Variants in DPP7 observed in about 807,000 individuals in gnomAD.
DPP7 encodes dipeptidyl peptidase 7, also known as dipeptidyl peptidase 2.
A neutral mutation model predicts 58.8 loss-of-function variants in DPP7; 74 were observed. The observed-to-expected ratio is 1.26, with a 90% CI of 1.04 to 1.53. The LOEUF (loss-of-function observed/expected upper bound fraction) is 1.53. DPP7 is among the 40% of genes most tolerant of loss of function. The pLI, the probability that DPP7 is intolerant of heterozygous loss-of-function variation, is 0.00. For synonymous variants in DPP7, 350 were observed against 303.6 expected (o/e 1.15, Z -1.59); for missense variants, 807 against 692.3 (o/e 1.17, Z -1.86).
rs140480385 is a variant in DPP7 at position 137,112,792 on chromosome 9, C to T, written c.884G>A (p.Arg295Gln). ...PANPVKVGCD[R>Q]LLSEAQRITG... ...GATCCTCTGGGCCTCACTCAGCAGC[C>T]GATCACAGCCCACCTGGAGTGCAGG... The change falls in exon 8 of 13, where the codon CGG (arginine) becomes CAG (glutamine). Residue 295 changes from arginine to glutamine, a missense_variant. By Grantham distance (43) the Arg-to-Gln change is conservative. Around this residue, in one of 3 missense-constraint regions of DPP7, gnomAD observed 624 missense variants for 531.2 expected, o/e 1.17. Transcript: ENST00000371579. 420 of 1,609,752 alleles carry T rather than the reference C, an allele frequency of 2.6e-4. 4 individuals are homozygous for T. The East Asian group carries it at 8.5e-3, about 32-fold the overall frequency.
At position 137,114,514 on chromosome 9, in the gene DPP7, T is replaced by G. The variant is rs1831559335; in HGVS notation, c.130A>C (p.Asn44His). Residue 44 changes from asparagine (N) to histidine (H), a missense_variant, in exon 2 of 13, where the codon AAC (asparagine) becomes CAC (histidine). Coordinates refer to ENST00000371579, the MANE Select transcript of DPP7 (RefSeq NM_013379.3). ...GTCTTGTTGCCGAAGCGCTCGAAGTTGAAGTGGTCCAGACGCTGCTGGAAG... is the reference window on the plus strand; with the variant it reads ...GTCTTGTTGCCGAAGCGCTCGAAGTGGAAGTGGTCCAGACGCTGCTGGAAG... ...RFFQQRLDHF[N>H]FERFGNKTFP... The G allele has an allele frequency of 6.3e-7, 1 of 1,586,536 alleles. No homozygotes were observed. Among genetic ancestry groups the G allele is most frequent in the South Asian group, 1.1e-5 (1 of 87,858 alleles).
chr9:137,114,379 C>G lies in DPP7; in HGVS notation c.185G>C (p.Arg62Thr), dbSNP rs1831544020. 1.9e-6 allele frequency: 3 copies of G among 1,602,542 alleles called. No homozygotes were observed. Among genetic ancestry groups the G allele is most frequent in the Non-Finnish European group, 2.6e-6 (3 of 1,175,622 alleles). Reference protein sequence around the residue: ...TFPQRFLVSDRFWVRGEGPIF... With the variant: ...TFPQRFLVSDTFWVRGEGPIF... Reference sequence around the variant, plus strand: ...GGGCCCCTCGCCCCGGACCCAGAACCTGTCTGTGGGGAGGGCGGATGAGGC... The same window carrying G: ...GGGCCCCTCGCCCCGGACCCAGAACGTGTCTGTGGGGAGGGCGGATGAGGC... The change falls in exon 3 of 13, where the codon AGG becomes ACG. Residue 62 changes from arginine to threonine, a missense_variant. Coordinates refer to ENST00000371579, the MANE Select transcript of DPP7 (RefSeq NM_013379.3).
At chr9:137,115,523 G>A (rs1831609463), upstream of DPP7, among the ~76,000 whole-genome samples, 5 of 152,276 alleles carry the variant, frequency 3.3e-5, no homozygotes, top group Admixed American at 2.6e-4. Flanking sequence ...CCGCTAGCCA[G>A]GCCCAGAACA....
Position 137,113,046 on chromosome 9 carries a change from G to C in DPP7, c.777C>G (p.Phe259Leu). Residue 259 changes from phenylalanine to leucine, a missense_variant, in exon 7 of 13, where the codon TTC (phenylalanine) becomes TTG (leucine). Phe to Leu is a conservative substitution (Grantham distance 22). Coordinates refer to ENST00000371579, the MANE Select transcript of DPP7 (RefSeq NM_013379.3). ...LSDEKDLTQL[F>L]MFARNAFTVL... is the part of the protein sequence containing the mutation. ...CGGTGAAGGCATTCCGGGCGAACAT[G>C]AAGAGCTGGGTCAGGTCCTTCTCGT... The C allele has an allele frequency of 6.2e-7, 1 of 1,613,910 alleles. No homozygotes were observed. The highest frequency in any genetic ancestry group is 8.5e-7 in the Non-Finnish European group (1 of 1,180,022).
intron 11 of DPP7, 89 bp from the exon 12 acceptor site, chr9:137,111,039 C>T (rs1054024381): frequency 2.2e-5 from 28 of 1,281,886 alleles, no homozygotes; most frequent in African/African-American, 5.9e-5. Context: ...CGTGAGAGGG[C>T]GAGCCGAGAC....
chr9:137,113,908 C>G lies in DPP7; in HGVS notation c.442G>C (p.Asp148His), dbSNP rs1831504148. Residue 148 changes from aspartate (D) to histidine (H), a missense_variant, in exon 4 of 13, where the codon GAC becomes CAC. By Grantham distance (81) the Asp-to-His change is moderately conservative. Around this residue, in one of 3 missense-constraint regions of DPP7, gnomAD observed 624 missense variants for 531.2 expected, o/e 1.17. Transcript: ENST00000371579. ...FAELLRALRR[D>H]LGAQDAPAIA... ...GCGGGGGCATCCTGGGCCCCGAGGT[C>G]GCGTCGTAGCGCGCGGAGCAGCTCT... is the stretch of plus-strand genomic sequence containing the variant. The G allele has an allele frequency of 1.9e-6, 3 of 1,572,818 alleles. No homozygotes were observed. The highest frequency in any genetic ancestry group is 2.6e-6 in the Non-Finnish European group (3 of 1,165,414).
At chr9:137,112,701 C>A in intron 8 of DPP7, 44 bp downstream of exon 8, 1 of 1,571,496 alleles carries the variant, frequency 6.4e-7, no homozygotes, top group Non-Finnish European at 8.6e-7. Flanking sequence ...CAAGCCAAGC[C>A]TGGGGTCTCC....
rs373395362 is a variant in DPP7 at position 137,114,523 on chromosome 9, C to A, written c.121G>T (p.Asp41Tyr). ...FQERFFQQRLDHFNFERFGNK... is the reference protein window; with the variant it reads ...FQERFFQQRLYHFNFERFGNK... The stretch of plus-strand genomic sequence containing the variant: ...CCGAAGCGCTCGAAGTTGAAGTGGT[C>A]CAGACGCTGCTGGAAGAAGCGCTCC... Residue 41 changes from aspartate (D) to tyrosine (Y), a missense_variant, in exon 2 of 13, where the codon GAC (aspartate) becomes TAC (tyrosine). Physicochemically the swap from Asp to Tyr is radical, Grantham distance 160 (BLOSUM62 -3). This residue lies in a region of DPP7 where 168 missense variants were observed against 124.1 expected (regional missense o/e 1.35). Coordinates refer to ENST00000371579, the MANE Select transcript of DPP7 (RefSeq NM_013379.3). The A allele has an allele frequency of 1.1e-4, 180 of 1,580,348 alleles. No homozygotes were observed. The highest frequency in any genetic ancestry group is 1.5e-4 in the Non-Finnish European group (173 of 1,164,600).
At chr9:137,111,503 T>A (rs1405191346) in intron 11 of DPP7, among the ~76,000 whole-genome samples, 187 bp downstream of exon 11, 2 of 152,170 alleles carry the variant, frequency 1.3e-5, no homozygotes, top group African/African-American at 4.8e-5. Context: ...AATATTTTTT[T>A]AAATTAGCTG....
At chr9:137,113,595 C>A (rs924996621) in intron 4 of DPP7, 99 bp from the exon 5 acceptor site, 2 of 1,455,306 alleles carry the variant, frequency 1.4e-6, no homozygotes, top group Non-Finnish European at 1.8e-6. Flanking sequence ...GACGACACTT[C>A]TGAGACCCAC....
At chr9:137,115,602 A>G (rs928655187), upstream of DPP7, among the ~76,000 whole-genome samples, 31 of 152,154 alleles carry the variant, frequency 2.0e-4, no homozygotes, top group African/African-American at 7.2e-4. Flanking sequence ...ACCCTCGGCC[A>G]GCATGACCCT....
At chr9:137,113,732 T>A (rs903018434) in intron 4 of DPP7, 133 bp downstream of exon 4, 2 of 1,416,122 alleles carry the variant, frequency 1.4e-6, no homozygotes, top group Non-Finnish European at 1.8e-6. Flanking sequence ...GAGGCAACAC[T>A]AAGCCTGGAA....
rs1208043158 is a variant in DPP7, at chr9:137,110,659, G to A, written c.1468C>T (p.Leu490Phe). 1.2e-6 allele frequency: 2 copies of A among 1,609,438 alleles called. No individual in the cohort carries two copies. The highest frequency in any genetic ancestry group is 2.7e-5 in the African/African-American group (2 of 74,316). The change falls in exon 13 of 13, where the codon CTC becomes TTC. Residue 490 changes from leucine (L) to phenylalanine (F), a missense_variant. This residue lies in a region of DPP7 where 624 missense variants were observed against 531.2 expected (regional missense o/e 1.17). Coordinates refer to ENST00000371579, the MANE Select transcript of DPP7 (RefSeq NM_013379.3). Reference protein sequence around the residue: ...QQPALRGGPRLSL With the variant: ...QQPALRGGPRFSL ...CTCCAGTCCTGTGCTCAGAGGCTGA[G>A]TCTGGGCCCCCCACGCAGAGCTGGC...
Position 137,113,135 on chromosome 9 carries a change from A to AGAGAC in DPP7, c.704-21_704-17dup. The stretch of plus-strand genomic sequence containing the variant: ...GTGTCGTAGGCTGCGTGGAAGGGGC[A>AGAGAC]GAGACTTGAAGTTTGGGCATAGCTG... On this transcript the variant is annotated splice_polypyrimidine_tract_variant and intron_variant, in intron 6 of 12. Coordinates refer to ENST00000371579, the MANE Select transcript of DPP7 (RefSeq NM_013379.3). 6.2e-7 allele frequency: 1 copy of AGAGAC among 1,613,746 alleles called. No individual in the cohort carries two copies. Among genetic ancestry groups the AGAGAC allele is most frequent in the Non-Finnish European group, 8.5e-7 (1 of 1,179,990 alleles).
upstream of DPP7, among the ~76,000 whole-genome samples, chr9:137,116,393 T>C (rs1201618043): frequency 2.0e-5 from 3 of 152,260 alleles, no homozygotes; most frequent in African/African-American, 4.8e-5. Context: ...CCCATCCCTG[T>C]GCCCACAGAA....
chr9:137,110,835 G>T, intron 12 of DPP7, 45 bp downstream of exon 12: 1 of 1,602,716 alleles, frequency 6.2e-7, no homozygotes. Flanking sequence ...CGGTGAGCCT[G>T]TCCCGCCCGA....
rs1291874992 is a variant in DPP7 at position 137,112,541 on chromosome 9, A to G, written c.931+204T>C. On this transcript the variant is annotated intron_variant, in intron 8 of 12. Transcript: ENST00000371579. ...AGCACCCACCAAGCTGGGCCTGGCT[A>G]CAGCCAGTGCTGAGAGGGTCCCCAG... 5 of 700,458 alleles carry G rather than the reference A, an allele frequency of 7.1e-6. No individual in the cohort carries two copies. The African/African-American group carries it at 9.0e-5, about 13-fold the overall frequency. The allele number at this position is 700,458 out of a possible 1,614,324, so 43.4% of individuals were successfully genotyped here. A position where few individuals can be genotyped will look rare whatever the true frequency, so the allele number is the denominator to read the frequency against.
chr9:137,113,135 A>G lies in DPP7; in HGVS notation c.704-16T>C, dbSNP rs752968091. ...GTGTCGTAGGCTGCGTGGAAGGGGCAGAGACTTGAAGTTTGGGCATAGCTG... is the reference window on the plus strand; with the variant it reads ...GTGTCGTAGGCTGCGTGGAAGGGGCGGAGACTTGAAGTTTGGGCATAGCTG... On this transcript the variant is annotated splice_polypyrimidine_tract_variant and intron_variant, in intron 6 of 12. Coordinates refer to ENST00000371579, the MANE Select transcript of DPP7 (RefSeq NM_013379.3). The G allele has an allele frequency of 5.6e-6, 9 of 1,613,628 alleles. No homozygotes were observed. Among genetic ancestry groups the G allele is most frequent in the East Asian group, 2.2e-5 (1 of 44,890 alleles).
Position 137,112,433 on chromosome 9 carries a change from G to C in DPP7, c.932-203C>G, listed in dbSNP as rs1210484451. On this transcript the variant is annotated intron_variant, in intron 8 of 12. Transcript: ENST00000371579. The stretch of plus-strand genomic sequence containing the variant: ...CCAGCCCCGGGCCTGACTGTTGAGG[G>C]CCCCCCCGCTCTCCACGGGGCAGGG... 2.9e-5 allele frequency: 18 copies of C among 626,398 alleles called. No individual in the cohort carries two copies. In the East Asian group the frequency reaches 4.7e-4, roughly 16 times the overall value. The allele number at this position is 626,398 out of a possible 1,614,324, so 38.8% of individuals were successfully genotyped here. A position where few individuals can be genotyped will look rare whatever the true frequency, so the allele number is the denominator to read the frequency against.
Sources: allele counts gnomAD v4.1 joint callset (sites outside exome capture counted in the v4.1 genomes callset), GRCh38; gene constraint gnomAD v4.1.1; regional missense constraint gnomAD v4.1.1; transcripts MANE v1.5; gene names NCBI Gene and HGNC (gene_info 2026-07-23, HGNC 2026-07-21).